NUAK1: variants seen among roughly 807,000 people sequenced by gnomAD.
The protein encoded by NUAK1 is NUAK family kinase 1.
In NUAK1, 26 loss-of-function variants were observed where a neutral mutation model predicts 56.9. That is an observed-to-expected ratio of 0.46 (90% CI 0.33 to 0.63). The LOEUF is 0.63. Ranked by LOEUF, NUAK1 falls within the 30% of genes least tolerant of loss-of-function variation. The pLI is 0.02. For missense variants in NUAK1, 727 were observed against 876.1 expected (o/e 0.83, Z 2.15); for synonymous variants, 337 against 336.0 (o/e 1.00, Z -0.03).
At chr12:106,086,637 C>T in intron 3 of NUAK1, 97 bp downstream of exon 3, 1 of 1,173,992 alleles carries the variant, frequency 8.5e-7, no homozygotes. Context: ...TCCATACATG[C>T]TCCCATGAAC....
At chr12:106,082,120 G>A (rs995553291) in intron 4 of NUAK1, among the ~76,000 whole-genome samples, 5 of 152,184 alleles carry the variant, frequency 3.3e-5, no homozygotes, top group South Asian at 2.1e-4. Flanking sequence ...AAATCTTCAC[G>A]TTTATTATTG....
At chr12:106,084,550 T>C (rs2436595) in intron 3 of NUAK1, among the ~76,000 whole-genome samples, 82,076 of 152,120 alleles carry the variant, frequency 0.54, 23,243 homozygotes, top group East Asian at 0.91. Flanking sequence ...CCAATGAGAC[T>C]GGGACCACTG....
At chr12:106,112,627 C>T (rs543373197) in intron 1 of NUAK1, among the ~76,000 whole-genome samples, 7 of 152,322 alleles carry the variant, frequency 4.6e-5, no homozygotes, top group African/African-American at 1.7e-4. Flanking sequence ...TGTGATGCAA[C>T]GGGCCCCATG....
chr12:106,068,048 C>T (rs1343961521), intron 6 of NUAK1, 93 bp from the exon 7 acceptor site: 11 of 1,245,018 alleles, frequency 8.8e-6, no homozygotes, highest in South Asian at 2.9e-5. Context: ...AAGACACACA[C>T]TCCCTCTAGG....
chr12:106,121,291 T>C lies in NUAK1; in HGVS notation c.241-14766A>G, dbSNP rs1002704648. On this transcript the variant is annotated intron_variant, in intron 1 of 6. Coordinates refer to ENST00000261402, the MANE Select transcript of NUAK1 (RefSeq NM_014840.3). ...TGAAGACGGTACAAGATAATGTATGTAAACTGCATCACTTAGTGTATCTTG... is the reference window on the plus strand; with the variant it reads ...TGAAGACGGTACAAGATAATGTATGCAAACTGCATCACTTAGTGTATCTTG... Among the ~76,000 whole-genome samples, 27 of 152,244 alleles carry C rather than the reference T, an allele frequency of 1.8e-4. No homozygotes were observed. The South Asian group carries it at 2.9e-3, about 16-fold the overall frequency.
intron 5 of NUAK1, 37 bp downstream of exon 5, chr12:106,072,687 C>G (rs2032418290): frequency 6.3e-7 from 1 of 1,583,506 alleles, no homozygotes; most frequent in Non-Finnish European, 8.6e-7. Context: ...TTCTCCCTCC[C>G]CTCCCCTGCC....
At chr12:106,116,712 T>G (rs565974082) in intron 1 of NUAK1, among the ~76,000 whole-genome samples, 2 of 152,328 alleles carry the variant, frequency 1.3e-5, no homozygotes, top group East Asian at 3.9e-4. Context: ...TACATAAATA[T>G]GAGCTGAATC....
At chr12:106,122,131 G>T (rs947757459) in intron 1 of NUAK1, among the ~76,000 whole-genome samples, 1 of 152,168 alleles carries the variant, frequency 6.6e-6, no homozygotes, top group African/African-American at 2.4e-5. Flanking sequence ...GAACAGTTAA[G>T]CTCCTTGGGG....
chr12:106,133,272 A>AT (rs1158822392), intron 1 of NUAK1, among the ~76,000 whole-genome samples: 12 of 152,148 alleles, frequency 7.9e-5, no homozygotes, highest in Middle Eastern at 3.4e-3. Context: ...ATCAAGGGTC[A>AT]TTTTCAACAG....
rs567918194 is a variant in NUAK1 at position 106,080,671 on chromosome 12, T to C, written c.579+3193A>G. Among the ~76,000 whole-genome samples, 4 of 152,282 alleles carry C rather than the reference T, an allele frequency of 2.6e-5. No individual in the cohort carries two copies. In the East Asian group the frequency reaches 7.7e-4, roughly 29 times the overall value. ...GGGAGAGGAATGAGCTACATGGCTC[T>C]CCCCACCACTGCAGCGACATGTGAC... On this transcript the variant is annotated intron_variant, in intron 4 of 6. Transcript: ENST00000261402.
At chr12:106,105,227 A>G (rs11112870) in intron 2 of NUAK1, among the ~76,000 whole-genome samples, 74,020 of 151,992 alleles carry the variant, frequency 0.49, 18,105 homozygotes, top group African/African-American at 0.54. Context: ...TGCCAGTATC[A>G]CAGGCATAAG....
chr12:106,076,734 G>A (rs1311046648), intron 4 of NUAK1, among the ~76,000 whole-genome samples: 1 of 152,198 alleles, frequency 6.6e-6, no homozygotes, highest in Non-Finnish European at 1.5e-5. Context: ...AAGATGTTAT[G>A]CTAAGTGAAA....
intron 1 of NUAK1, among the ~76,000 whole-genome samples, chr12:106,132,983 T>A (rs1367159733): frequency 2.0e-5 from 3 of 152,158 alleles, no homozygotes; most frequent in African/African-American, 7.2e-5. Context: ...GTGAGTCAGG[T>A]TCTTCATCTA....
At chr12:106,133,678 A>T (rs1199899279) in intron 1 of NUAK1, among the ~76,000 whole-genome samples, 2 of 152,226 alleles carry the variant, frequency 1.3e-5, no homozygotes, top group Non-Finnish European at 2.9e-5. Flanking sequence ...ATGCACCACA[A>T]GCTCTCAAAA....
chr12:106,067,185 T>C lies in NUAK1; in HGVS notation c.1603A>G (p.Thr535Ala), dbSNP rs760225538. The change falls in exon 7 of 7, where the codon ACC (threonine) becomes GCC (alanine). Residue 535 changes from threonine (T) to alanine (A), a missense_variant. Physicochemically the swap from Thr to Ala is moderately conservative, Grantham distance 58. Transcript: ENST00000261402. This position sits in a 1 kb window ranked among gnomAD's most constrained non-coding sequence, Gnocchi z 6.0. ...GGGCTGACCAGGGCTGGGTCCATGGTGCCCGCTGAGTATTTGCTGCTGTGT... is the reference window on the plus strand; with the variant it reads ...GGGCTGACCAGGGCTGGGTCCATGGCGCCCGCTGAGTATTTGCTGCTGTGT... The part of the protein sequence containing the change: ...LKHSSKYSAG[T>A]MDPALVSPEM... 41 of 1,613,894 alleles carry C rather than the reference T, an allele frequency of 2.5e-5. No homozygotes were observed. The highest frequency in any genetic ancestry group is 3.4e-5 in the Non-Finnish European group (40 of 1,179,994).
At chr12:106,079,030 G>C (rs1012775448) in intron 4 of NUAK1, among the ~76,000 whole-genome samples, 8 of 152,220 alleles carry the variant, frequency 5.3e-5, no homozygotes, top group Admixed American at 2.6e-4. Context: ...AGTAAGAGTA[G>C]AGAGTAGAAT....
At chr12:106,080,458 G>A (rs978463117) in intron 4 of NUAK1, among the ~76,000 whole-genome samples, 1 of 152,218 alleles carries the variant, frequency 6.6e-6, no homozygotes, top group Non-Finnish European at 1.5e-5. Context: ...AATTAGTGCT[G>A]TGCTTGGTGT....
rs1410302456 is a variant in NUAK1 at position 106,063,713 on chromosome 12, TTCTC to T, written c.*3085_*3088del. ...TTTTTTTTTTAATGTGCAGTCAAGT[TTCTC>T]TCTTTTTTTCTTCTAGGAATGATAC... On this transcript the variant is annotated 3_prime_UTR_variant, in exon 7 of 7. Transcript: ENST00000261402. 1 of 152,004 alleles carries T rather than the reference TTCTC, an allele frequency of 6.6e-6. No individual in the cohort carries two copies. Among genetic ancestry groups the T allele is most frequent in the African/African-American group, 2.4e-5 (1 of 41,252 alleles). The allele number at this position is 152,004 out of a possible 1,614,324, so 9.4% of individuals were successfully genotyped here.
chr12:106,082,940 C>T (rs763274940), intron 4 of NUAK1, among the ~76,000 whole-genome samples: 7 of 152,114 alleles, frequency 4.6e-5, no homozygotes, highest in South Asian at 2.1e-4. Flanking sequence ...CTGCTGGTGC[C>T]GGGAGTACTA....
Sources: allele counts gnomAD v4.1 joint callset (sites outside exome capture counted in the v4.1 genomes callset), GRCh38; gene constraint gnomAD v4.1.1; non-coding constraint Gnocchi (gnomAD v3.1); transcripts MANE v1.5; gene names NCBI Gene and HGNC (gene_info 2026-07-23, HGNC 2026-07-21).